Variants in ROBO2 observed in about 807,000 individuals in gnomAD.
ROBO2 encodes the protein roundabout homolog 2.
ROBO2 carries 53 observed loss-of-function variants against 160.8 expected under a neutral mutation model. The observed-to-expected ratio is 0.33, with a 90% CI of 0.26 to 0.41. ROBO2 has a LOEUF of 0.41. Among genes scored for constraint, ROBO2 ranks in the 10% least tolerant of loss-of-function variants. The pLI, the probability that ROBO2 is intolerant of heterozygous loss-of-function variation, is 1.00. For synonymous variants in ROBO2, 664 were observed against 611.7 expected (o/e 1.09, Z -1.26); for missense variants, 1,577 against 1,722.4 (o/e 0.92, Z 1.49).
intron 2 of ROBO2, among the ~76,000 whole-genome samples, chr3:77,412,258 G>C (rs2153523006): frequency 6.6e-6 from 1 of 152,280 alleles, no homozygotes; most frequent in East Asian, 1.9e-4. Flanking sequence ...CTCACACCAA[G>C]ATTCTACCCA....
intron 2 of ROBO2, among the ~76,000 whole-genome samples, chr3:77,292,296 TA>T (rs2061392779): frequency 7.4e-6 from 1 of 135,230 alleles, no homozygotes; most frequent in Non-Finnish European, 1.6e-5. Flanking sequence ...AGACATAAAG[TA>T]AAATTGATGG....
chr3:76,913,024 G>T (rs1018187271), intron 2 of ROBO2, among the ~76,000 whole-genome samples: 1 of 152,098 alleles, frequency 6.6e-6, no homozygotes, highest in Admixed American at 6.6e-5. Context: ...AGCATAAACA[G>T]GAAAGAAATT....
intron 2 of ROBO2, among the ~76,000 whole-genome samples, chr3:76,909,314 G>A (rs1452811644): frequency 1.3e-5 from 2 of 152,070 alleles, no homozygotes; most frequent in East Asian, 1.9e-4. Flanking sequence ...TAAAACACAC[G>A]CTTGCCTCTG....
At chr3:77,407,978 T>C (rs1186514780) in intron 2 of ROBO2, among the ~76,000 whole-genome samples, 1 of 152,184 alleles carries the variant, frequency 6.6e-6, no homozygotes, top group African/African-American at 2.4e-5. Flanking sequence ...TAGCTTTGAT[T>C]ATGCTGGAAA....
chr3:77,057,399 A>G (rs553381992), intron 1 of ROBO2, among the ~76,000 whole-genome samples: 2 of 152,136 alleles, frequency 1.3e-5, no homozygotes, highest in South Asian at 2.1e-4. Flanking sequence ...AACATGGCAC[A>G]TGTACACATA....
At chr3:76,672,259 G>T (rs967759838) in intron 2 of ROBO2, among the ~76,000 whole-genome samples, 4 of 151,808 alleles carry the variant, frequency 2.6e-5, no homozygotes, top group African/African-American at 9.7e-5. Context: ...ACAAAGGGAG[G>T]ATTCTAGCCA....
At chr3:76,412,030 C>T (rs1461992778) in intron 2 of ROBO2, among the ~76,000 whole-genome samples, 1 of 152,096 alleles carries the variant, frequency 6.6e-6, no homozygotes, top group Non-Finnish European at 1.5e-5. Flanking sequence ...TTTAATTGGA[C>T]TTACAGTTCC....
chr3:77,562,859 G>A, intron 10 of ROBO2, 127 bp downstream of exon 11: 1 of 766,606 alleles, frequency 1.3e-6, no homozygotes, highest in Non-Finnish European at 2.3e-6. Context: ...TACATTCAAT[G>A]CCATTTTTTA....
chr3:76,553,775 A>G (rs1296504980), intron 2 of ROBO2, among the ~76,000 whole-genome samples: 1 of 152,208 alleles, frequency 6.6e-6, no homozygotes, highest in Admixed American at 6.5e-5. Flanking sequence ...GGGTGGTTAC[A>G]GTAAATCTCT....
In ROBO2 at chr3:76,002,735, A is replaced by C. The variant is rs150643493; in HGVS notation, c.109+65133A>C. Among the ~76,000 whole-genome samples the C allele has an allele frequency of 1.6e-4, 25 of 152,260 alleles. No homozygotes were observed. The East Asian group carries it at 4.8e-3, about 30-fold the overall frequency. The stretch of plus-strand genomic sequence containing the variant: ...AGGAGAACAGACTAAAACACCAAGA[A>C]ACACCCAAAGCTTCAAGACATTAGG... On this transcript the variant is annotated intron_variant, in intron 2 of 26. Transcript: ENST00000487694.
At chr3:77,622,873 C>G (rs1412854264) in intron 23 of ROBO2, among the ~76,000 whole-genome samples, 1 of 152,106 alleles carries the variant, frequency 6.6e-6, no homozygotes, top group Non-Finnish European at 1.5e-5. Flanking sequence ...GAATAAGCCA[C>G]TTTAAGGTTG....
chr3:76,084,111 G>A (rs534462848), intron 2 of ROBO2, among the ~76,000 whole-genome samples: 8 of 152,114 alleles, frequency 5.3e-5, no homozygotes, highest in Middle Eastern at 3.2e-3. Flanking sequence ...GTGCTCTTTC[G>A]TGAGGGAATA....
chr3:76,963,441 A>T (rs986043816), intron 2 of ROBO2, among the ~76,000 whole-genome samples: 16 of 152,190 alleles, frequency 1.1e-4, no homozygotes, highest in African/African-American at 3.6e-4. Flanking sequence ...GGAACTTAGC[A>T]CTAATGAAGT....
intron 2 of ROBO2, among the ~76,000 whole-genome samples, chr3:76,933,411 A>G (rs2077481816): frequency 6.6e-6 from 1 of 152,214 alleles, no homozygotes; most frequent in South Asian, 2.1e-4. Context: ...AAAAATTTTA[A>G]AACTTCCTGA....
chr3:76,421,981 C>A, intron 2 of ROBO2, among the ~76,000 whole-genome samples: 1 of 151,598 alleles, frequency 6.6e-6, no homozygotes, highest in African/African-American at 2.4e-5. Flanking sequence ...CTGACATGCA[C>A]ATATTGAGTA....
intron 2 of ROBO2, among the ~76,000 whole-genome samples, chr3:76,888,222 G>T (rs1396741704): frequency 1.3e-5 from 2 of 152,172 alleles, no homozygotes; most frequent in Middle Eastern, 3.4e-3. Context: ...ATAAAGATTA[G>T]CCAGGTGTAG....
At chr3:76,840,434 C>T (rs1449486151) in intron 2 of ROBO2, among the ~76,000 whole-genome samples, 1 of 151,036 alleles carries the variant, frequency 6.6e-6, no homozygotes, top group Non-Finnish European at 1.5e-5. Flanking sequence ...ACGGTGAAAC[C>T]CCGTCTCTAC....
chr3:76,590,741 C>G (rs1174553120), intron 2 of ROBO2, among the ~76,000 whole-genome samples: 1 of 151,976 alleles, frequency 6.6e-6, no homozygotes, highest in African/African-American at 2.4e-5. Context: ...TCATTCACTA[C>G]TTTAGAAGTT....
chr3:76,161,132 G>A (rs2072616955), intron 2 of ROBO2, among the ~76,000 whole-genome samples: 1 of 151,346 alleles, frequency 6.6e-6, no homozygotes, highest in African/African-American at 2.4e-5. Flanking sequence ...TTTTTTGGGT[G>A]TTACTAAAGT....
Sources: allele counts gnomAD v4.1 joint callset (sites outside exome capture counted in the v4.1 genomes callset), GRCh38; gene constraint gnomAD v4.1.1; transcripts MANE v1.5; gene names NCBI Gene and HGNC (gene_info 2026-07-23, HGNC 2026-07-21).